DOCK2: variants seen among roughly 807,000 people sequenced by gnomAD.
DOCK2 encodes the protein dedicator of cytokinesis 2, also known as dedicator of cytokinesis protein 2.
In DOCK2, 87 loss-of-function variants were observed where a neutral mutation model predicts 248.9. The ratio of observed to expected loss-of-function variants is 0.35; its 90% CI spans 0.29 to 0.42. The LOEUF (loss-of-function observed/expected upper bound fraction) is 0.42, where lower values mean the gene tolerates loss of function less well. Among genes scored for constraint, DOCK2 ranks in the 10% least tolerant of loss-of-function variants. DOCK2 has a pLI of 1.00. For synonymous variants in DOCK2, 805 were observed against 821.6 expected, an observed-to-expected ratio of 0.98 and a Z score of 0.35; for missense variants, 1,747 against 2,300.2, an observed-to-expected ratio of 0.76 and a Z score of 4.92.
intron 27 of DOCK2, among the ~76,000 whole-genome samples, chr5:169,946,981 G>A (rs1266739424): frequency 6.6e-6 from 1 of 152,230 alleles, no homozygotes; most frequent in African/African-American, 2.4e-5. Context: ...TGGAATGAAG[G>A]CCAGGGGGTT....
At chr5:169,882,662 G>A in intron 27 of DOCK2, 1 of 1,552,070 alleles carries the variant, frequency 6.4e-7, no homozygotes, top group Non-Finnish European at 8.7e-7. Flanking sequence ...AGTCGGCCTT[G>A]GAGGTCGCAG....
intron 33 of DOCK2, 152 bp from the exon 34 acceptor site, chr5:170,027,711 A>T: frequency 3.2e-6 from 2 of 633,964 alleles, no homozygotes; most frequent in Non-Finnish European, 5.3e-6. Context: ...AGGCAGACAT[A>T]GTATTCTGTT....
chr5:170,081,393 G>A (rs113083733), intron 50 of DOCK2: 1,994 of 159,456 alleles, frequency 0.013, 46 homozygotes, highest in African/African-American at 0.044. Context: ...TCTCTGTGAC[G>A]CCAAGCTGGG....
intron 4 of DOCK2, 42 bp from the exon 5 acceptor site, chr5:169,671,036 T>G: frequency 1.9e-6 from 3 of 1,568,182 alleles, no homozygotes; most frequent in Non-Finnish European, 2.6e-6. Flanking sequence ...TGTTAGCACC[T>G]GGGTCTCAAT....
intron 22 of DOCK2, among the ~76,000 whole-genome samples, chr5:169,738,534 G>A (rs1302365542): frequency 1.3e-5 from 2 of 152,214 alleles, no homozygotes; most frequent in African/African-American, 2.4e-5. Flanking sequence ...GGCTGTGCTT[G>A]GAAACTAGAG....
At chr5:169,840,703 T>A in intron 26 of DOCK2, 54 bp from the exon 27 acceptor site, 2 of 1,544,444 alleles carry the variant, frequency 1.3e-6, no homozygotes, top group Non-Finnish European at 1.8e-6. Flanking sequence ...CTTTGTACAA[T>A]TGTTCAGATG....
At chr5:169,989,566 C>A (rs1220955340) in intron 29 of DOCK2, among the ~76,000 whole-genome samples, 1 of 152,180 alleles carries the variant, frequency 6.6e-6, no homozygotes, top group Non-Finnish European at 1.5e-5. Flanking sequence ...GCTGGGGAAA[C>A]AATAAATATT....
Position 170,007,627 on chromosome 5 carries a change from G to C in DOCK2, c.3073-870G>C, listed in dbSNP as rs183464811. 5.3e-5 allele frequency among the ~76,000 whole-genome samples: 8 copies of C among 152,282 alleles called. No homozygotes were observed. In the East Asian group the frequency reaches 1.5e-3, roughly 29 times the overall value. ...TTGGACCTATAATATCTCTGGTTCT[G>C]TATCCTGTATCAATATTGCCATCAG... On this transcript the variant is annotated intron_variant, in intron 30 of 51. Coordinates refer to ENST00000520908, the MANE Select transcript of DOCK2 (RefSeq NM_004946.3).
At chr5:169,639,362 A>G (rs1054492788) in intron 1 of DOCK2, among the ~76,000 whole-genome samples, 1 of 152,222 alleles carries the variant, frequency 6.6e-6, no homozygotes, top group Non-Finnish European at 1.5e-5. Flanking sequence ...AGAAGGAGGT[A>G]GAAAGAGAAA....
chr5:169,857,765 C>G (rs1453234895), intron 27 of DOCK2, among the ~76,000 whole-genome samples: 1 of 150,902 alleles, frequency 6.6e-6, no homozygotes, highest in Non-Finnish European at 1.5e-5. Context: ...GAAAATCACA[C>G]GTACATAAAC....
intron 23 of DOCK2, among the ~76,000 whole-genome samples, chr5:169,755,466 G>A (rs983935951): frequency 2.6e-5 from 4 of 152,128 alleles, no homozygotes; most frequent in Admixed American, 6.5e-5. Flanking sequence ...AGAACGGCTG[G>A]GCACGGTGGC....
chr5:169,835,395 C>T (rs1463537074), intron 26 of DOCK2, among the ~76,000 whole-genome samples: 1 of 151,610 alleles, frequency 6.6e-6, no homozygotes, highest in East Asian at 1.9e-4. Context: ...GCTGGGACTA[C>T]AGGCATGCGC....
chr5:169,807,549 C>T (rs543831630), intron 26 of DOCK2, among the ~76,000 whole-genome samples: 8 of 152,096 alleles, frequency 5.3e-5, no homozygotes, highest in African/African-American at 9.6e-5. Flanking sequence ...TAGCATCTTC[C>T]GGCTGGGTGC....
chr5:169,657,881 T>G (rs1317086553), intron 2 of DOCK2, among the ~76,000 whole-genome samples: 4 of 152,214 alleles, frequency 2.6e-5, no homozygotes, highest in Non-Finnish European at 5.9e-5. Flanking sequence ...ATCATGATTT[T>G]TATGGCTACC....
At chr5:169,994,485 G>A (rs1439055425) in intron 29 of DOCK2, among the ~76,000 whole-genome samples, 1 of 152,194 alleles carries the variant, frequency 6.6e-6, no homozygotes, top group Non-Finnish European at 1.5e-5. Context: ...ACAGCTGGAT[G>A]TAAAGTGTGC....
chr5:169,652,067 C>T (rs1221777438), intron 1 of DOCK2, among the ~76,000 whole-genome samples: 1 of 152,196 alleles, frequency 6.6e-6, no homozygotes, highest in Non-Finnish European at 1.5e-5. Flanking sequence ...CCCAGGAACC[C>T]AGTAAGGTAG....
chr5:169,972,697 A>G (rs1403969286), intron 27 of DOCK2, among the ~76,000 whole-genome samples: 1 of 152,198 alleles, frequency 6.6e-6, no homozygotes. Flanking sequence ...CATACCTGAC[A>G]TAGCTCCTTA....
intron 27 of DOCK2, among the ~76,000 whole-genome samples, chr5:169,946,500 A>G (rs1776454918): frequency 6.6e-6 from 1 of 152,226 alleles, no homozygotes; most frequent in Non-Finnish European, 1.5e-5. Context: ...GTTGGGCATT[A>G]GGTGGGCAGA....
intron 27 of DOCK2, among the ~76,000 whole-genome samples, chr5:169,854,836 G>T (rs564074089): frequency 6.6e-6 from 1 of 152,236 alleles, no homozygotes; most frequent in Admixed American, 6.5e-5. Context: ...TGGTGGAGAT[G>T]AGCATGAGAG....
Sources: gnomAD v4.1 joint callset for allele counts (sites outside exome capture counted in the v4.1 genomes callset) on GRCh38, gnomAD v4.1.1 for gene constraint, MANE v1.5 for transcripts, NCBI Gene and HGNC (gene_info 2026-07-23, HGNC 2026-07-21) for gene names.